ZNF793: variants seen among roughly 807,000 people sequenced by gnomAD.
ZNF793 encodes zinc finger protein 793.
Under a neutral mutation model 12.4 loss-of-function variants are expected in ZNF793, and 5 were observed. The observed-to-expected ratio is 0.40, with a 90% confidence interval of 0.21 to 0.84. ZNF793 has a LOEUF of 0.84. Ranked by LOEUF, ZNF793 falls within the 40% of genes least tolerant of loss-of-function variation. ZNF793 has a pLI of 0.35. For missense variants in ZNF793, 456 were observed against 495.0 expected (o/e 0.92, Z 0.75); for synonymous variants, 162 against 172.4 (o/e 0.94, Z 0.47).
rs904495951 is a variant in ZNF793 at position 37,538,021 on chromosome 19, C to T, written c.*142C>T. 1 of 987,630 alleles carries T rather than the reference C, an allele frequency of 1.0e-6. No homozygotes were observed. Among genetic ancestry groups the T allele is most frequent in the South Asian group, 1.8e-5 (1 of 55,146 alleles). 61.2% of individuals were successfully genotyped at this position (987,630 alleles called of 1,614,324 possible). On this transcript the variant is annotated 3_prime_UTR_variant, in exon 8 of 8. Transcript: ENST00000627814. ...CTGCCTCCCGGGTTCACGCCATTCT[C>T]CTGCCTCAGCCTCCCGAGTAGCTGG...
rs2042267108 is a variant in ZNF793 at position 37,508,403 on chromosome 19, A to T, written c.-276A>T. 2.6e-5 allele frequency: 4 copies of T among 152,106 alleles called. No individual in the cohort carries two copies. Among genetic ancestry groups the T allele is most frequent in the Admixed American group, 2.6e-4 (4 of 15,260 alleles). The allele number at this position is 152,106 out of a possible 1,614,324, so 9.4% of individuals were successfully genotyped here. On this transcript the variant is annotated splice_region_variant and 5_prime_UTR_variant, in exon 2 of 8. It removes the in-frame stop codon of an upstream open reading frame in the 5' UTR. Coordinates refer to ENST00000627814, the MANE Select transcript of ZNF793 (RefSeq NM_001013659.3). ...CCGTGGTTAGAAAACAAATTTACTGAGTAAGTATCTAAAATGATAATGTAG... is the reference window on the plus strand; with the variant it reads ...CCGTGGTTAGAAAACAAATTTACTGTGTAAGTATCTAAAATGATAATGTAG...
intron 5 of ZNF793, among the ~76,000 whole-genome samples, chr19:37,524,632 T>G (rs1336566917): frequency 6.6e-6 from 1 of 152,162 alleles, no homozygotes; most frequent in East Asian, 1.9e-4. Context: ...TTTTTGAAGG[T>G]GTTTTCCAAG....
intron 2 of ZNF793, among the ~76,000 whole-genome samples, chr19:37,508,902 G>A (rs2042272343): frequency 6.6e-6 from 1 of 152,022 alleles, no homozygotes; most frequent in African/African-American, 2.4e-5. Flanking sequence ...TTTAGGCATA[G>A]CCATTTTTAA....
chr19:37,523,509 G>A lies in ZNF793; in HGVS notation c.15+55G>A, dbSNP rs562642370. On this transcript the variant is annotated intron_variant, in intron 5 of 7. Transcript: ENST00000627814. ...CCTTCCTGGGGAAACTGTCCTAGAGGAAAAAAAGGGTGTGCATTGTAAGTA... is the reference window on the plus strand; with the variant it reads ...CCTTCCTGGGGAAACTGTCCTAGAGAAAAAAAAGGGTGTGCATTGTAAGTA... 5 of 1,539,696 alleles carry A rather than the reference G, an allele frequency of 3.2e-6. No individual in the cohort carries two copies. In the South Asian group the frequency reaches 4.5e-5, roughly 14 times the overall value.
At chr19:37,518,443 A>G (rs776883434) in intron 2 of ZNF793, among the ~76,000 whole-genome samples, 15 of 151,834 alleles carry the variant, frequency 9.9e-5, no homozygotes, top group South Asian at 2.1e-4. Flanking sequence ...TACTATTTCT[A>G]ATGCCTGCCT....
intron 7 of ZNF793, chr19:37,533,740 C>T (rs1343193410): frequency 2.0e-5 from 9 of 457,940 alleles, no homozygotes; most frequent in Non-Finnish European, 3.4e-5. Context: ...TCAGAGCTAC[C>T]TGCTTTCCCT....
chr19:37,521,811 C>G (rs188972676), intron 3 of ZNF793, among the ~76,000 whole-genome samples: 250 of 152,136 alleles, frequency 1.6e-3, no homozygotes, highest in Non-Finnish European at 2.7e-3. Flanking sequence ...TTTCTGTGGT[C>G]TCCTATGTAT....
In ZNF793 at chr19:37,532,330, A is replaced by G. The variant is rs753223779; in HGVS notation, c.16-26A>G. On this transcript the variant is annotated intron_variant, in intron 5 of 7. Coordinates refer to ENST00000627814, the MANE Select transcript of ZNF793 (RefSeq NM_001013659.3). ...TGCACAAACATTTTTTTTCGACATG[A>G]CTCAATGTCATTTTTGTTTCAACAG... 2.5e-6 allele frequency: 4 copies of G among 1,606,570 alleles called. No individual in the cohort carries two copies. The Admixed American group carries it at 6.8e-5, about 27-fold the overall frequency.
intron 2 of ZNF793, among the ~76,000 whole-genome samples, chr19:37,511,605 A>G (rs534894782): frequency 6.6e-6 from 1 of 152,324 alleles, no homozygotes; most frequent in African/African-American, 2.4e-5. Context: ...TGAGAGGCAG[A>G]GGTTGCGGTG....
chr19:37,526,215 C>T (rs1416116528), intron 5 of ZNF793, among the ~76,000 whole-genome samples: 6 of 152,126 alleles, frequency 3.9e-5, no homozygotes, highest in Non-Finnish European at 5.9e-5. Context: ...TGGGCTCAAG[C>T]GATCCTCCCA....
chr19:37,541,743 A>G lies in ZNF793; in HGVS notation c.*3864A>G, dbSNP rs1007055283. 3.9e-5 allele frequency: 6 copies of G among 152,250 alleles called. No homozygotes were observed. Among genetic ancestry groups the G allele is most frequent in the East Asian group, 1.9e-4 (1 of 5,204 alleles). 9.4% of individuals were successfully genotyped at this position (152,250 alleles called of 1,614,324 possible). Reference sequence around the variant, plus strand: ...TGACTACGTAGAATCTTTTGGTACAATCTTTTGGGTGACAAAAGATGCCAT... The same window carrying G: ...TGACTACGTAGAATCTTTTGGTACAGTCTTTTGGGTGACAAAAGATGCCAT... On this transcript the variant is annotated 3_prime_UTR_variant, in exon 8 of 8. Transcript: ENST00000627814.
chr19:37,516,278 G>A (rs770398372), intron 2 of ZNF793, among the ~76,000 whole-genome samples: 11 of 152,112 alleles, frequency 7.2e-5, no homozygotes, highest in Non-Finnish European at 1.5e-4. Context: ...GGGATTACAG[G>A]CATGTGCTGC....
intron 2 of ZNF793, among the ~76,000 whole-genome samples, chr19:37,510,939 C>T (rs144460224): frequency 0.012 from 1,757 of 151,922 alleles, 24 homozygotes; most frequent in Middle Eastern, 0.024. Flanking sequence ...CCTCGTGATC[C>T]GCCCACCTCA....
At position 37,508,312 on chromosome 19, in the gene ZNF793, A is replaced by C. The variant is rs566598450; in HGVS notation, c.-367A>C. The C allele has an allele frequency of 6.6e-6, 1 of 152,300 alleles. No individual in the cohort carries two copies. Among genetic ancestry groups the C allele is most frequent in the South Asian group, 2.1e-4 (1 of 4,832 alleles). 9.4% of individuals were successfully genotyped at this position (152,300 alleles called of 1,614,324 possible). ...ACATACGCATCTGTGCCAGCATCCC[A>C]AGAGTGAGGCTGGTTTCTGGAAATC... On this transcript the variant is annotated 5_prime_UTR_variant, in exon 2 of 8. Coordinates refer to ENST00000627814, the MANE Select transcript of ZNF793 (RefSeq NM_001013659.3).
At chr19:37,527,729 A>C (rs1229703314) in intron 5 of ZNF793, among the ~76,000 whole-genome samples, 1 of 152,140 alleles carries the variant, frequency 6.6e-6, no homozygotes, top group Non-Finnish European at 1.5e-5. Context: ...TCTCCCTCAA[A>C]ACACTTTTGG....
chr19:37,534,603 C>T (rs920909545), intron 7 of ZNF793: 3 of 152,126 alleles, frequency 2.0e-5, no homozygotes, highest in Non-Finnish European at 4.4e-5. Flanking sequence ...CTTTACCACT[C>T]ACTCTAACTG....
At chr19:37,529,520 T>C (rs771551201) in intron 5 of ZNF793, among the ~76,000 whole-genome samples, 3 of 151,934 alleles carry the variant, frequency 2.0e-5, no homozygotes, top group Non-Finnish European at 4.4e-5. Context: ...TGAGACAGAG[T>C]CTCATTCTAT....
chr19:37,539,969 T>C lies in ZNF793; in HGVS notation c.*2090T>C, dbSNP rs906512149. On this transcript the variant is annotated 3_prime_UTR_variant, in exon 8 of 8. Transcript: ENST00000627814. ...GTCAGAATAAATTTTAACACCAAAA[T>C]CAAATACAGATAGTTGAAAAAAGAA... 7.9e-5 allele frequency: 12 copies of C among 151,966 alleles called. No homozygotes were observed. The highest frequency in any genetic ancestry group is 2.7e-4 in the African/African-American group (11 of 41,366). The allele number at this position is 151,966 out of a possible 1,614,324, so 9.4% of individuals were successfully genotyped here. A position where few individuals can be genotyped will look rare whatever the true frequency, so the allele number is the denominator to read the frequency against.
intron 5 of ZNF793, among the ~76,000 whole-genome samples, chr19:37,530,475 C>T (rs1308106088): frequency 6.6e-6 from 1 of 152,156 alleles, no homozygotes; most frequent in African/African-American, 2.4e-5. Flanking sequence ...CTGCGGCCTT[C>T]TGTAGTGTGT....
Sources: gnomAD v4.1 joint callset for allele counts (sites outside exome capture counted in the v4.1 genomes callset) on GRCh38, gnomAD v4.1.1 for gene constraint, MANE v1.5 for transcripts, NCBI Gene and HGNC (gene_info 2026-07-23, HGNC 2026-07-21) for gene names.